RCSD1: variants seen among roughly 807,000 people sequenced by gnomAD.
RCSD1 encodes capZ-interacting protein.
In RCSD1, 26 loss-of-function variants were observed where a neutral mutation model predicts 42.5. The observed-to-expected ratio is 0.61, with a 90% CI of 0.45 to 0.85. RCSD1 has a LOEUF of 0.85. Ranked by LOEUF, RCSD1 falls within the 40% of genes least tolerant of loss-of-function variation. The pLI, the probability that RCSD1 is intolerant of heterozygous loss-of-function variation, is 0.00. For missense variants in RCSD1, 571 were observed against 528.3 expected (o/e 1.08, Z -0.79); for synonymous variants, 220 against 212.2 (o/e 1.04, Z -0.32).
chr1:167,697,910 C>G (rs1008287896), intron 6 of RCSD1, 68 bp downstream of exon 6: 1 of 1,430,360 alleles, frequency 7.0e-7, no homozygotes, highest in Non-Finnish European at 9.1e-7. Context: ...TGTCACATGT[C>G]CTGTTCCGTA....
chr1:167,692,920 G>C (rs1659409818), intron 4 of RCSD1, among the ~76,000 whole-genome samples: 1 of 152,086 alleles, frequency 6.6e-6, no homozygotes, highest in Non-Finnish European at 1.5e-5. Context: ...GGGAGGGAGA[G>C]GGTGTGAGTA....
chr1:167,634,816 T>C (rs1657794463), intron 1 of RCSD1, among the ~76,000 whole-genome samples: 1 of 152,226 alleles, frequency 6.6e-6, no homozygotes, highest in Non-Finnish European at 1.5e-5. Flanking sequence ...TTGTCATTCA[T>C]GGACCTACTC....
chr1:167,661,707 T>C (rs1041652970), intron 1 of RCSD1, among the ~76,000 whole-genome samples: 3 of 152,192 alleles, frequency 2.0e-5, no homozygotes, highest in African/African-American at 7.2e-5. Flanking sequence ...TTAATATATA[T>C]AAAATCTTGT....
chr1:167,660,471 T>TTG (rs201945208), intron 1 of RCSD1, among the ~76,000 whole-genome samples: 1,723 of 144,922 alleles, frequency 0.012, 40 homozygotes, highest in African/African-American at 0.044. Context: ...TAATTCACTG[T>TTG]TTTGTTTTTT....
chr1:167,706,174 G>C lies in RCSD1; in HGVS notation c.*1478G>C, dbSNP rs1659753179. The C allele has an allele frequency of 6.6e-6, 1 of 152,012 alleles. No homozygotes were observed. The highest frequency in any genetic ancestry group is 1.5e-5 in the Non-Finnish European group (1 of 68,004). 9.4% of individuals were successfully genotyped at this position (152,012 alleles called of 1,614,324 possible). On this transcript the variant is annotated 3_prime_UTR_variant, in exon 7 of 7. Transcript: ENST00000367854. ...ACTGTTTTTAAGTAGTTTGTAATTTGTAACAAACTTGTAACCTGGTTGGGA... is the reference window on the plus strand; with the variant it reads ...ACTGTTTTTAAGTAGTTTGTAATTTCTAACAAACTTGTAACCTGGTTGGGA...
chr1:167,651,595 G>A (rs1344549350), intron 1 of RCSD1, among the ~76,000 whole-genome samples: 2 of 152,200 alleles, frequency 1.3e-5, no homozygotes, highest in African/African-American at 4.8e-5. Flanking sequence ...GTGACCAGGT[G>A]TCTTCCTGCC....
At chr1:167,686,432 C>G (rs914695928) in intron 3 of RCSD1, among the ~76,000 whole-genome samples, 1 of 152,162 alleles carries the variant, frequency 6.6e-6, no homozygotes, top group East Asian at 1.9e-4. Flanking sequence ...AGTGAAACAG[C>G]TGAAATAGAT....
chr1:167,641,213 C>A (rs1657996541), intron 1 of RCSD1, among the ~76,000 whole-genome samples: 1 of 152,128 alleles, frequency 6.6e-6, no homozygotes, highest in South Asian at 2.1e-4. Flanking sequence ...TGAGGATCAC[C>A]CCCAACTCAT....
intron 3 of RCSD1, among the ~76,000 whole-genome samples, chr1:167,687,442 G>C (rs1659263201): frequency 6.6e-6 from 1 of 150,734 alleles, no homozygotes; most frequent in Admixed American, 6.6e-5. Context: ...AGAATGGCGT[G>C]AACCCCGGAG....
At chr1:167,696,425 A>G (rs1192105270) in intron 5 of RCSD1, among the ~76,000 whole-genome samples, 3 of 151,654 alleles carry the variant, frequency 2.0e-5, no homozygotes, top group Non-Finnish European at 4.4e-5. Flanking sequence ...CATTTGAAGA[A>G]CTGGTTATTT....
chr1:167,659,854 T>A (rs1161444122), intron 1 of RCSD1, among the ~76,000 whole-genome samples: 1 of 152,198 alleles, frequency 6.6e-6, no homozygotes, highest in Non-Finnish European at 1.5e-5. Context: ...GCCATGCCTC[T>A]GCTCCAGGGC....
rs1417643968 is a variant in RCSD1, at chr1:167,707,430, C to A, written c.*2734C>A. On this transcript the variant is annotated 3_prime_UTR_variant, in exon 7 of 7. Coordinates refer to ENST00000367854, the MANE Select transcript of RCSD1 (RefSeq NM_052862.4). ...GTGACAGAAACCCAACTCAAACTAG[C>A]TGATGAAAAACAGAACTATACAGAT... 6.6e-6 allele frequency among the ~76,000 whole-genome samples: 1 copy of A among 152,152 alleles called. No homozygotes were observed. The highest frequency in any genetic ancestry group is 1.5e-5 in the Non-Finnish European group (1 of 68,014).
chr1:167,672,786 A>G (rs76320235), intron 1 of RCSD1, among the ~76,000 whole-genome samples: 1,805 of 152,318 alleles, frequency 0.012, 33 homozygotes, highest in African/African-American at 0.042. Flanking sequence ...GAGGGCCATT[A>G]TTCTGCTACC....
rs563980297 is a variant in RCSD1, at chr1:167,673,941, T to C, written c.7-9959T>C. ...CCCTGATTCACCTAAGCAGGTTAAC[T>C]ACCCCTTCTCCTGAGCTTCCATTGC... On this transcript the variant is annotated intron_variant, in intron 1 of 6. Transcript: ENST00000367854. Among the ~76,000 whole-genome samples the C allele has an allele frequency of 5.9e-5, 9 of 152,360 alleles. 1 individual carries two copies. The South Asian group carries it at 1.9e-3, about 32-fold the overall frequency.
intron 1 of RCSD1, among the ~76,000 whole-genome samples, chr1:167,658,031 G>A (rs77985320): frequency 0.011 from 1,631 of 152,148 alleles, 32 homozygotes; most frequent in African/African-American, 0.037. Flanking sequence ...GAGCTCAAGT[G>A]ATCCTCCTGC....
chr1:167,631,649 T>C (rs1394604271), intron 1 of RCSD1, among the ~76,000 whole-genome samples: 2 of 152,174 alleles, frequency 1.3e-5, no homozygotes, highest in South Asian at 2.1e-4. Context: ...CATGCCTGGC[T>C]AGTTTTAAAA....
intron 1 of RCSD1, among the ~76,000 whole-genome samples, chr1:167,665,764 A>G (rs1289364509): frequency 6.6e-6 from 1 of 151,764 alleles, no homozygotes; most frequent in Non-Finnish European, 1.5e-5. Context: ...TGTCTGTTTA[A>G]ATCCTTTGCC....
intron 1 of RCSD1, among the ~76,000 whole-genome samples, chr1:167,642,506 T>C (rs1658031607): frequency 6.6e-6 from 1 of 152,208 alleles, no homozygotes; most frequent in Non-Finnish European, 1.5e-5. Context: ...AACGAGAAGC[T>C]AGGGGTGCAG....
At chr1:167,672,708 C>T (rs560202066) in intron 1 of RCSD1, among the ~76,000 whole-genome samples, 3 of 152,322 alleles carry the variant, frequency 2.0e-5, no homozygotes, top group African/African-American at 7.2e-5. Flanking sequence ...CATCTGTAAC[C>T]TTAATTCCTC....
Sources: gnomAD v4.1 joint callset for allele counts (sites outside exome capture counted in the v4.1 genomes callset) on GRCh38, gnomAD v4.1.1 for gene constraint, MANE v1.5 for transcripts, NCBI Gene and HGNC (gene_info 2026-07-23, HGNC 2026-07-21) for gene names.